BNC2: variants seen among roughly 807,000 people sequenced by gnomAD.
The protein encoded by BNC2 is zinc finger protein basonuclin-2.
A neutral mutation model predicts 76.3 loss-of-function variants in BNC2; 20 were observed. That is an observed-to-expected ratio of 0.26 (90% CI 0.18 to 0.38). BNC2 has a LOEUF of 0.38. Among genes scored for constraint, BNC2 ranks in the 10% least tolerant of loss-of-function variants. BNC2 has a pLI of 1.00. For missense variants in BNC2, 1,382 were observed against 1,399.8 expected, an observed-to-expected ratio of 0.99 and a Z score of 0.20; for synonymous variants, 582 against 514.8, an observed-to-expected ratio of 1.13 and a Z score of -1.77.
chr9:16,795,823 G>A lies in BNC2; in HGVS notation c.4-57338C>T, dbSNP rs993044443. Among the ~76,000 whole-genome samples the A allele has an allele frequency of 5.1e-4, 78 of 152,192 alleles. 1 individual carries two copies. The highest frequency in any genetic ancestry group is 1.8e-3 in the Admixed American group (27 of 15,280). On this transcript the variant is annotated intron_variant, in intron 1 of 6. Transcript: ENST00000380672. ...CAGTATGAAACTAAAACGTTTCCAA[G>A]TTGCTTTAATCCCTGAACTAATCCT...
At chr9:16,706,489 G>C (rs1823677451) in intron 3 of BNC2, among the ~76,000 whole-genome samples, 1 of 152,118 alleles carries the variant, frequency 6.6e-6, no homozygotes, top group African/African-American at 2.4e-5. Flanking sequence ...TCCCCTTTCA[G>C]TAACAAATGA....
chr9:16,658,409 G>T (rs1297864062), intron 3 of BNC2, among the ~76,000 whole-genome samples: 2 of 152,122 alleles, frequency 1.3e-5, no homozygotes, highest in African/African-American at 4.8e-5. Flanking sequence ...GTGAAACAAA[G>T]CCACTTCAGT....
chr9:16,484,556 GATTA>G (rs1204752694), intron 5 of BNC2, among the ~76,000 whole-genome samples: 2 of 152,106 alleles, frequency 1.3e-5, no homozygotes, highest in Non-Finnish European at 2.9e-5. Context: ...CTTATTTCGG[GATTA>G]ATTAATGTAC....
intron 4 of BNC2, chr9:16,580,223 CCAACT>C (rs1819595576): frequency 2.5e-6 from 1 of 398,248 alleles, no homozygotes; most frequent in African/African-American, 2.1e-5. Context: ...CATCCCACTG[CCAACT>C]CCAAGGCTAG....
At chr9:16,764,737 C>T (rs1825643836) in intron 1 of BNC2, among the ~76,000 whole-genome samples, 1 of 31,496 alleles carries the variant, frequency 3.2e-5, no homozygotes, top group Non-Finnish European at 7.9e-5. Flanking sequence ...ACTTATTTGT[C>T]TGTTTTTTTT....
At chr9:16,510,032 C>CATTTGCTATCTCAGATGT (rs1325655272) in intron 5 of BNC2, among the ~76,000 whole-genome samples, 1 of 152,180 alleles carries the variant, frequency 6.6e-6, no homozygotes, top group Non-Finnish European at 1.5e-5. Context: ...GCTAAAAGAC[C>CATTTGCTATCTCAGATGT]TGTTTGTATC....
At chr9:16,440,963 A>C (rs951776085) in intron 5 of BNC2, among the ~76,000 whole-genome samples, 3 of 152,230 alleles carry the variant, frequency 2.0e-5, no homozygotes, top group African/African-American at 7.2e-5. Flanking sequence ...TAGACTTAAG[A>C]ACGGGACACA....
intron 1 of BNC2, chr9:16,867,886 T>C (rs1310787875): frequency 2.0e-5 from 3 of 152,060 alleles, no homozygotes; most frequent in Non-Finnish European, 4.4e-5. Context: ...CAGGTCAGCG[T>C]GTGGAGAACT....
At chr9:16,775,375 C>T (rs1392575004) in intron 1 of BNC2, among the ~76,000 whole-genome samples, 2 of 145,030 alleles carry the variant, frequency 1.4e-5, no homozygotes, top group Non-Finnish European at 3.0e-5. Context: ...ACCACTGTTT[C>T]CTTAAACACT....
At chr9:16,700,712 C>A (rs750860678) in intron 3 of BNC2, among the ~76,000 whole-genome samples, 2 of 152,096 alleles carry the variant, frequency 1.3e-5, no homozygotes, top group Non-Finnish European at 2.9e-5. Flanking sequence ...GTAATCCCAG[C>A]CCTTTGGGAG....
intron 1 of BNC2, among the ~76,000 whole-genome samples, chr9:16,785,097 T>C (rs1201414561): frequency 2.0e-5 from 3 of 152,234 alleles, no homozygotes; most frequent in Non-Finnish European, 4.4e-5. Flanking sequence ...AAAGGGAATG[T>C]GTTTGCACTT....
chr9:16,838,453 C>G (rs1268190589), intron 1 of BNC2, among the ~76,000 whole-genome samples: 1 of 152,042 alleles, frequency 6.6e-6, no homozygotes, highest in Non-Finnish European at 1.5e-5. Context: ...TCCAGCTACT[C>G]GGGAGGCTGA....
At chr9:16,674,723 T>C (rs142157058) in intron 3 of BNC2, among the ~76,000 whole-genome samples, 1 of 152,298 alleles carries the variant, frequency 6.6e-6, no homozygotes, top group Admixed American at 6.5e-5. Context: ...TTATAAGATG[T>C]AAACATAGTA....
intron 3 of BNC2, among the ~76,000 whole-genome samples, chr9:16,707,228 G>C (rs1823706642): frequency 6.6e-6 from 1 of 151,118 alleles, no homozygotes; most frequent in Non-Finnish European, 1.5e-5. Context: ...AACAGCAATA[G>C]ACATTTGATT....
chr9:16,565,803 T>A (rs1410202375), intron 4 of BNC2, among the ~76,000 whole-genome samples: 2 of 145,708 alleles, frequency 1.4e-5, no homozygotes, highest in Non-Finnish European at 3.0e-5. Flanking sequence ...ATGAGCCCCA[T>A]CTCAAAAAAA....
At chr9:16,499,713 T>C (rs1822478962) in intron 5 of BNC2, among the ~76,000 whole-genome samples, 2 of 151,854 alleles carry the variant, frequency 1.3e-5, no homozygotes, top group African/African-American at 2.4e-5. Context: ...GAATTTTTAG[T>C]AGAGATGGGG....
chr9:16,865,763 G>T (rs1227501803), intron 1 of BNC2, among the ~76,000 whole-genome samples: 1 of 152,082 alleles, frequency 6.6e-6, no homozygotes, highest in African/African-American at 2.4e-5. Context: ...CTTAAAGAAT[G>T]ATATATCTGT....
chr9:16,537,854 G>A (rs975494428), intron 5 of BNC2, among the ~76,000 whole-genome samples: 22 of 152,118 alleles, frequency 1.4e-4, no homozygotes, highest in Admixed American at 3.3e-4. Flanking sequence ...TAAATCATAC[G>A]TGAAAACCCT....
intron 1 of BNC2, among the ~76,000 whole-genome samples, chr9:16,777,438 C>T (rs981943683): frequency 6.6e-6 from 1 of 152,058 alleles, no homozygotes; most frequent in African/African-American, 2.4e-5. Flanking sequence ...CGGTGGCTCA[C>T]GCCTGTAATC....
Sources: gnomAD v4.1 joint callset for allele counts (sites outside exome capture counted in the v4.1 genomes callset) on GRCh38, gnomAD v4.1.1 for gene constraint, MANE v1.5 for transcripts, NCBI Gene and HGNC (gene_info 2026-07-23, HGNC 2026-07-21) for gene names.